The following SOX6 variants were observed in gnomAD, a reference collection of about 807,000 sequenced individuals.
SOX6 encodes the protein transcription factor SOX-6.
In SOX6, 11 loss-of-function variants were observed where a neutral mutation model predicts 97.8. The observed-to-expected ratio is 0.11, with a 90% CI of 0.07 to 0.19. The LOEUF is 0.19. Ranked by LOEUF, SOX6 falls within the 10% of genes least tolerant of loss-of-function variation. The pLI, the probability that SOX6 is intolerant of heterozygous loss-of-function variation, is 1.00. For missense variants in SOX6, 810 were observed against 1,039.5 expected, an observed-to-expected ratio of 0.78 and a Z score of 3.04; for synonymous variants, 360 against 371.4, an observed-to-expected ratio of 0.97 and a Z score of 0.35.
intron 4 of SOX6, among the ~76,000 whole-genome samples, chr11:16,210,296 C>T (rs1852184837): frequency 6.6e-6 from 1 of 152,138 alleles, no homozygotes. Flanking sequence ...AGTGTAATAT[C>T]ATGTGGCAAT....
intron 3 of SOX6, among the ~76,000 whole-genome samples, chr11:16,258,783 G>T (rs542695905): frequency 6.6e-6 from 1 of 151,656 alleles, no homozygotes; most frequent in African/African-American, 2.4e-5. Flanking sequence ...ATGAGATGTT[G>T]ATAATAGGGG....
chr11:16,667,977 T>C (rs1177130441), intron 3 of SOX6, among the ~76,000 whole-genome samples: 1 of 152,230 alleles, frequency 6.6e-6, no homozygotes, highest in African/African-American at 2.4e-5. Context: ...TCATTTTCTC[T>C]TTGCTTGTTT....
intron 3 of SOX6, among the ~76,000 whole-genome samples, chr11:16,239,919 A>C (rs1003892531): frequency 6.6e-6 from 1 of 152,096 alleles, no homozygotes; most frequent in Non-Finnish European, 1.5e-5. Context: ...TATGCCTAGC[A>C]ATGAAAAAGC....
chr11:16,354,608 A>G (rs140012659), intron 1 of SOX6, among the ~76,000 whole-genome samples: 1 of 152,014 alleles, frequency 6.6e-6, no homozygotes, highest in South Asian at 2.1e-4. Context: ...TAGAGTCCTG[A>G]GCTGTAGGTG....
At chr11:16,737,480 A>G (rs1848400860) in intron 1 of SOX6, among the ~76,000 whole-genome samples, 1 of 152,004 alleles carries the variant, frequency 6.6e-6, no homozygotes. Flanking sequence ...GCTGGGGATT[A>G]CAGGCCTGAG....
chr11:16,265,306 G>A (rs1203786521), intron 3 of SOX6, among the ~76,000 whole-genome samples: 2 of 151,872 alleles, frequency 1.3e-5, no homozygotes, highest in African/African-American at 2.4e-5. Flanking sequence ...ACTAGCCAAC[G>A]TGGAAATAGT....
chr11:16,416,853 CTT>C (rs1858937111), intron 1 of SOX6, among the ~76,000 whole-genome samples: 1 of 152,188 alleles, frequency 6.6e-6, no homozygotes, highest in Admixed American at 6.5e-5. Flanking sequence ...CTACCAAATA[CTT>C]TAAATGTCAA....
intron 1 of SOX6, among the ~76,000 whole-genome samples, chr11:16,400,393 T>C (rs1468188295): frequency 2.0e-5 from 3 of 151,494 alleles, no homozygotes; most frequent in Non-Finnish European, 3.0e-5. Flanking sequence ...GAGATCCTTA[T>C]ACTACAATCA....
intron 6 of SOX6, among the ~76,000 whole-genome samples, chr11:16,121,483 TAAAGAC>T (rs1326190315): frequency 2.0e-5 from 3 of 151,992 alleles, no homozygotes; most frequent in Non-Finnish European, 4.4e-5. Flanking sequence ...AAAAGTGCCT[TAAAGAC>T]ATCTATAGCC....
chr11:16,172,559 G>GA (rs1851067208), intron 6 of SOX6, among the ~76,000 whole-genome samples: 1 of 151,980 alleles, frequency 6.6e-6, no homozygotes, highest in East Asian at 1.9e-4. Context: ...GTTTGAAATG[G>GA]AAACATCCTC....
chr11:16,236,224 T>A (rs546934590), intron 3 of SOX6, among the ~76,000 whole-genome samples: 3 of 152,190 alleles, frequency 2.0e-5, no homozygotes, highest in South Asian at 2.1e-4. Context: ...TACATGCAGA[T>A]GCATATGTTC....
Position 16,111,900 on chromosome 11 carries a change from G to A in SOX6, c.801C>T (p.Leu267=), listed in dbSNP as rs757218415. The change falls in exon 7 of 16, where the codon CTC becomes CTT. Residue 267 remains leucine, a synonymous_variant. Transcript: ENST00000683767. ...GGTCATGTGGAAAAATTGGGATCATGAGCGGAGGCATGTGACCCTGAACCT... is the reference window on the plus strand; with the variant it reads ...GGTCATGTGGAAAAATTGGGATCATAAGCGGAGGCATGTGACCCTGAACCT... ...QIQVQGHMPP[L]MIPIFPHDQR... The A allele has an allele frequency of 6.2e-7, 1 of 1,612,438 alleles. No individual in the cohort carries two copies. Among genetic ancestry groups the A allele is most frequent in the South Asian group, 1.1e-5 (1 of 91,000 alleles).
In SOX6 at chr11:16,195,882, T is replaced by C. The variant is rs554546371; in HGVS notation, c.536-8927A>G. 2.2e-4 allele frequency among the ~76,000 whole-genome samples: 33 copies of C among 152,324 alleles called. No individual in the cohort carries two copies. The East Asian group carries it at 4.8e-3, about 22-fold the overall frequency. On this transcript the variant is annotated intron_variant, in intron 4 of 15. Coordinates refer to ENST00000683767, the MANE Select transcript of SOX6 (RefSeq NM_001367873.1). ...CCTGCTGCCCCGGGTGCAGTGTATATGTAGGCTGAGGCTGTCAGGTTCTAG... is the reference window on the plus strand; with the variant it reads ...CCTGCTGCCCCGGGTGCAGTGTATACGTAGGCTGAGGCTGTCAGGTTCTAG...
Position 16,318,459 on chromosome 11 carries a change from C to T in SOX6, c.432G>A (p.Arg144=). ...LKQKKLEEMT[R]TEQEDSSCME... is the part of the protein sequence containing the mutation. ...GTCCACACATACCCTCTTGTTCAGT[C>T]CGAGTCATTTCCTCAAGCTTCTTCT... Residue 144 remains arginine, a synonymous_variant, in exon 3 of 16, where the codon CGG becomes CGA. Transcript: ENST00000683767. 1 of 1,613,044 alleles carries T rather than the reference C, an allele frequency of 6.2e-7. No homozygotes were observed. Among genetic ancestry groups the T allele is most frequent in the Non-Finnish European group, 8.5e-7 (1 of 1,179,548 alleles).
intron 3 of SOX6, among the ~76,000 whole-genome samples, chr11:16,713,653 T>C (rs1848197340): frequency 6.6e-6 from 1 of 152,144 alleles, no homozygotes; most frequent in African/African-American, 2.4e-5. Flanking sequence ...TTAATAATAA[T>C]AGATAAAAGA....
intron 4 of SOX6, among the ~76,000 whole-genome samples, chr11:16,494,521 G>C (rs968210600): frequency 3.9e-5 from 6 of 152,072 alleles, no homozygotes; most frequent in Non-Finnish European, 5.9e-5. Flanking sequence ...TTGTGTTAAG[G>C]AAAAACAAAC....
In SOX6 at chr11:16,145,303, C is replaced by T. The variant is rs1273611998; in HGVS notation, c.778-33380G>A. 3.3e-5 allele frequency among the ~76,000 whole-genome samples: 5 copies of T among 152,264 alleles called. No individual in the cohort carries two copies. The East Asian group carries it at 9.7e-4, about 29-fold the overall frequency. On this transcript the variant is annotated intron_variant, in intron 6 of 15. Transcript: ENST00000683767. ...AGGCCTTTGACAAAATTCAACAGCCCTTCATGCTAAAAACTCTCAATAAAT... is the reference window on the plus strand; with the variant it reads ...AGGCCTTTGACAAAATTCAACAGCCTTTCATGCTAAAAACTCTCAATAAAT...
At chr11:16,377,846 G>T (rs531463780) in intron 1 of SOX6, among the ~76,000 whole-genome samples, 2 of 151,970 alleles carry the variant, frequency 1.3e-5, no homozygotes, top group Non-Finnish European at 2.9e-5. Flanking sequence ...TATTAATTTC[G>T]AACTCATTAG....
chr11:16,514,581 A>G (rs1860934659), intron 4 of SOX6, among the ~76,000 whole-genome samples: 1 of 151,866 alleles, frequency 6.6e-6, no homozygotes, highest in Non-Finnish European at 1.5e-5. Context: ...GTTTTAGGGT[A>G]CATGTGCACA....
Sources: allele counts gnomAD v4.1 joint callset (sites outside exome capture counted in the v4.1 genomes callset), GRCh38; gene constraint gnomAD v4.1.1; transcripts MANE v1.5; gene names NCBI Gene and HGNC (gene_info 2026-07-23, HGNC 2026-07-21).